The following MGLL variants were observed in gnomAD, a reference collection of about 807,000 sequenced individuals.
MGLL encodes lysophospholipase homolog.
In MGLL, 7 loss-of-function variants were observed where a neutral mutation model predicts 29.1. The observed-to-expected ratio is 0.24, with a 90% CI of 0.14 to 0.45. The LOEUF (loss-of-function observed/expected upper bound fraction) is 0.45, where lower values mean the gene tolerates loss of function less well. Among genes scored for constraint, MGLL ranks in the 20% least tolerant of loss-of-function variants. MGLL has a pLI of 0.99. For missense variants in MGLL, 356 were observed against 413.6 expected (o/e 0.86, Z 1.21); for synonymous variants, 148 against 168.3 (o/e 0.88, Z 0.93).
At chr3:127,796,439 T>C (rs1033565286) in intron 2 of MGLL, among the ~76,000 whole-genome samples, 2 of 152,184 alleles carry the variant, frequency 1.3e-5, no homozygotes, top group African/African-American at 4.8e-5. Context: ...ATATTTAGCT[T>C]GGACTGTCAT....
chr3:127,766,445 C>A (rs1213158747), intron 3 of MGLL, among the ~76,000 whole-genome samples: 1 of 152,218 alleles, frequency 6.6e-6, no homozygotes, highest in Non-Finnish European at 1.5e-5. Flanking sequence ...CGTAGTGCCC[C>A]TGGCTCTTTT....
chr3:127,711,111 C>A, intron 5 of MGLL: 1 of 221,736 alleles, frequency 4.5e-6, no homozygotes, highest in Non-Finnish European at 9.4e-6. Flanking sequence ...AGGAGCCACA[C>A]AGAGAAAGTG....
At chr3:127,808,977 T>C (rs1452004006) in intron 2 of MGLL, among the ~76,000 whole-genome samples, 1 of 152,210 alleles carries the variant, frequency 6.6e-6, no homozygotes, top group African/African-American at 2.4e-5. Context: ...TTTTGTATTA[T>C]CAAGGTATAT....
At chr3:127,810,833 C>A (rs1397132435) in intron 2 of MGLL, among the ~76,000 whole-genome samples, 1 of 151,794 alleles carries the variant, frequency 6.6e-6, no homozygotes, top group African/African-American at 2.4e-5. Context: ...ACCATTCCCC[C>A]ACCCAATCAA....
chr3:127,722,608 G>A, intron 3 of MGLL, 42 bp from the exon 4 acceptor site: 1 of 1,614,060 alleles, frequency 6.2e-7, no homozygotes, highest in Non-Finnish European at 8.5e-7. Flanking sequence ...CAGTTACCAG[G>A]TCGACTCCTA....
chr3:127,734,377 A>T (rs1220084400), intron 3 of MGLL, among the ~76,000 whole-genome samples: 1 of 152,096 alleles, frequency 6.6e-6, no homozygotes, highest in East Asian at 1.9e-4. Flanking sequence ...CCATTTCACC[A>T]TGGAAGCATC....
chr3:127,755,577 C>T (rs958288293), intron 3 of MGLL, among the ~76,000 whole-genome samples: 9 of 152,184 alleles, frequency 5.9e-5, no homozygotes, highest in South Asian at 2.1e-4. Context: ...TCAGTGCAGC[C>T]GGGACACTGG....
intron 6 of MGLL, among the ~76,000 whole-genome samples, chr3:127,699,116 AG>A (rs1364783070): frequency 6.6e-5 from 10 of 152,350 alleles, no homozygotes; most frequent in Middle Eastern, 3.4e-3. Context: ...TTTCCCCATC[AG>A]GGGACCCCAA....
intron 3 of MGLL, among the ~76,000 whole-genome samples, chr3:127,732,599 C>G (rs1259794128): frequency 6.6e-6 from 1 of 152,252 alleles, no homozygotes; most frequent in African/African-American, 2.4e-5. Flanking sequence ...GTGCCTAGAG[C>G]TGCTCACCCC....
rs111899325 is a variant in MGLL, at chr3:127,790,775, A to G, written c.156-8880T>C. On this transcript the variant is annotated intron_variant, in intron 2 of 7. Coordinates refer to ENST00000265052, the MANE Select transcript of MGLL (RefSeq NM_007283.7). ...CCCCGCAGCCTCTTGCCTCCCCCAC[A>G]CCAGAATGCCTGGATTTCTAGCTCA... Among the ~76,000 whole-genome samples the G allele has an allele frequency of 6.1e-4, 92 of 152,012 alleles. 1 individual carries two copies. The highest frequency in any genetic ancestry group is 2.1e-3 in the African/African-American group (87 of 41,488).
chr3:127,763,321 G>A lies in MGLL; in HGVS notation c.262+18468C>T, dbSNP rs369590938. On this transcript the variant is annotated intron_variant, in intron 3 of 7. Coordinates refer to ENST00000265052, the MANE Select transcript of MGLL (RefSeq NM_007283.7). ...ATGATAGCAACAACTGCCAAAGACCGAAACGGCTTCTTCTGGGGACCTAGA... is the reference window on the plus strand; with the variant it reads ...ATGATAGCAACAACTGCCAAAGACCAAAACGGCTTCTTCTGGGGACCTAGA... Among the ~76,000 whole-genome samples, 25 of 152,320 alleles carry A rather than the reference G, an allele frequency of 1.6e-4. No individual in the cohort carries two copies. The East Asian group carries it at 3.1e-3, about 19-fold the overall frequency.
chr3:127,770,901 G>A (rs1001760368), intron 3 of MGLL, among the ~76,000 whole-genome samples: 3 of 152,048 alleles, frequency 2.0e-5, no homozygotes, highest in African/African-American at 7.2e-5. Context: ...ATAAGGCTGG[G>A]TACTCAAGGT....
intron 3 of MGLL, among the ~76,000 whole-genome samples, chr3:127,727,897 G>T (rs1033121149): frequency 6.6e-6 from 1 of 151,920 alleles, no homozygotes; most frequent in Non-Finnish European, 1.5e-5. Flanking sequence ...ATAAGCCTAC[G>T]GCAAGAAGCT....
At chr3:127,784,762 CCCCGATTCAGATAA>C (rs1028677468) in intron 2 of MGLL, among the ~76,000 whole-genome samples, 2 of 152,136 alleles carry the variant, frequency 1.3e-5, no homozygotes, top group African/African-American at 4.8e-5. Flanking sequence ...CCTGCCTGGA[CCCCGATTCAGATAA>C]CTCAATCTCC....
intron 2 of MGLL, among the ~76,000 whole-genome samples, chr3:127,820,973 C>G (rs559002214): frequency 4.4e-4 from 67 of 152,308 alleles, no homozygotes; most frequent in African/African-American, 1.6e-3. Flanking sequence ...CCCTAGGAGA[C>G]AAGAGGCCTA....
At chr3:127,788,988 A>G (rs2077259313) in intron 2 of MGLL, among the ~76,000 whole-genome samples, 1 of 152,148 alleles carries the variant, frequency 6.6e-6, no homozygotes, top group Non-Finnish European at 1.5e-5. Flanking sequence ...TTTTGAAAGC[A>G]CTCAATGCCC....
At chr3:127,696,622 C>T (rs1460985817) in intron 6 of MGLL, among the ~76,000 whole-genome samples, 1 of 151,920 alleles carries the variant, frequency 6.6e-6, no homozygotes, top group Non-Finnish European at 1.5e-5. Context: ...CCATGTTGGT[C>T]AGGCTGGTCT....
At chr3:127,755,703 C>T (rs1404251511) in intron 3 of MGLL, among the ~76,000 whole-genome samples, 1 of 152,230 alleles carries the variant, frequency 6.6e-6, no homozygotes, top group Non-Finnish European at 1.5e-5. Context: ...TCTTCGCGCA[C>T]CACCTGTATT....
intron 5 of MGLL, chr3:127,711,054 C>T (rs1158263874): frequency 2.9e-6 from 1 of 349,218 alleles, no homozygotes; most frequent in Admixed American, 3.8e-5. Flanking sequence ...GGTGCAGAAT[C>T]ACACAGATCA....
Sources: allele counts gnomAD v4.1 joint callset (sites outside exome capture counted in the v4.1 genomes callset), GRCh38; gene constraint gnomAD v4.1.1; transcripts MANE v1.5; gene names NCBI Gene and HGNC (gene_info 2026-07-23, HGNC 2026-07-21).